PCDHA7: variants seen among roughly 807,000 people sequenced by gnomAD.
PCDHA7 encodes the protein protocadherin alpha 7.
A neutral mutation model predicts 57.2 loss-of-function variants in PCDHA7; 37 were observed. That is an observed-to-expected ratio of 0.65 (90% confidence interval 0.50 to 0.85). PCDHA7 has a LOEUF of 0.85. Among genes scored for constraint, PCDHA7 ranks in the 40% least tolerant of loss-of-function variants. The pLI is 0.00. For synonymous variants in PCDHA7, 553 were observed against 558.8 expected (o/e 0.99, Z 0.15); for missense variants, 1,188 against 1,241.8 (o/e 0.96, Z 0.65).
At chr5:140,877,041 A>C (rs782570873) in intron 1 of PCDHA7, 1 of 1,612,586 alleles carries the variant, frequency 6.2e-7, no homozygotes, top group Non-Finnish European at 8.5e-7. Context: ...TGCAGCCGCT[A>C]GACCACGAGG....
chr5:140,851,579 C>T lies in PCDHA7; in HGVS notation c.2355+14841C>T, dbSNP rs527993952. On this transcript the variant is annotated intron_variant, in intron 1 of 3. Transcript: ENST00000525929. ...ACTGAAATTTTGTCTACACTTAGAA[C>T]ATTTTTTGAAATTCAGTTTACAGAA... 1.1e-5 allele frequency: 10 copies of T among 913,374 alleles called. No homozygotes were observed. In the South Asian group the frequency reaches 4.0e-4, roughly 36 times the overall value. 56.6% of individuals were successfully genotyped at this position (913,374 alleles called of 1,614,324 possible).
At chr5:140,915,732 G>A (rs1454734995) in intron 1 of PCDHA7, among the ~76,000 whole-genome samples, 2 of 151,870 alleles carry the variant, frequency 1.3e-5, no homozygotes, top group East Asian at 3.9e-4. Flanking sequence ...ATTGTGCTGG[G>A]TCAGACCTAT....
intron 1 of PCDHA7, chr5:140,967,313 C>T: frequency 6.2e-7 from 1 of 1,611,052 alleles, no homozygotes; most frequent in Non-Finnish European, 8.5e-7. Flanking sequence ...CAACTCAGTA[C>T]AGACCTACGA....
chr5:140,878,622 T>A (rs1163171601), intron 1 of PCDHA7, among the ~76,000 whole-genome samples: 1 of 152,244 alleles, frequency 6.6e-6, no homozygotes, highest in African/African-American at 2.4e-5. Flanking sequence ...GCATTTTACA[T>A]ATTTTAACTT....
intron 1 of PCDHA7, among the ~76,000 whole-genome samples, chr5:140,946,992 A>T (rs1393633852): frequency 1.3e-5 from 2 of 151,908 alleles, no homozygotes; most frequent in East Asian, 3.9e-4. Context: ...TGAGTGTTCT[A>T]ACTTCAAAGA....
chr5:140,892,448 A>G (rs973072554), intron 1 of PCDHA7, among the ~76,000 whole-genome samples: 13 of 152,292 alleles, frequency 8.5e-5, no homozygotes, highest in African/African-American at 2.9e-4. Context: ...ATTTACATGT[A>G]TTCTTTAAGT....
chr5:141,011,876 A>G lies in PCDHA7; in HGVS notation c.*1939A>G, dbSNP rs2098422094. ...AATTTTGTTATAATGTACAATTTAG[A>G]AGTTTGATTAATTATATTATCTATT... On this transcript the variant is annotated 3_prime_UTR_variant, in exon 4 of 4. Coordinates refer to ENST00000525929, the MANE Select transcript of PCDHA7 (RefSeq NM_018910.3). 6.5e-6 allele frequency: 1 copy of G among 153,584 alleles called. No individual in the cohort carries two copies. The highest frequency in any genetic ancestry group is 2.4e-5 in the African/African-American group (1 of 41,298). 9.5% of individuals were successfully genotyped at this position (153,584 alleles called of 1,614,324 possible).
chr5:140,862,682 T>C (rs536714837), intron 1 of PCDHA7: 55 of 551,686 alleles, frequency 1.0e-4, no homozygotes, highest in South Asian at 7.3e-4. Flanking sequence ...AACGTGCTGG[T>C]GTCCTACTCG....
At chr5:140,893,381 A>G (rs755671273) in intron 1 of PCDHA7, among the ~76,000 whole-genome samples, 11 of 152,190 alleles carry the variant, frequency 7.2e-5, no homozygotes, top group Non-Finnish European at 1.6e-4. Context: ...TTTATGGGAC[A>G]GTGGCTCATG....
At chr5:140,848,653 G>A (rs2150416159) in intron 1 of PCDHA7, 1 of 1,592,724 alleles carries the variant, frequency 6.3e-7, no homozygotes, top group Admixed American at 1.7e-5. Context: ...CAGGACCTGG[G>A]GCTGGAGCTG....
At position 140,836,448 on chromosome 5, in the gene PCDHA7, C is replaced by T; in HGVS notation, c.2065C>T (p.Pro689Ser). 1 of 1,613,824 alleles carries T rather than the reference C, an allele frequency of 6.2e-7. No individual in the cohort carries two copies. The highest frequency in any genetic ancestry group is 8.5e-7 in the Non-Finnish European group (1 of 1,179,852). ...GCGGGCATCGTTGGGCATTGCAGGC[C>T]CAGAGACCGAGCTGGTGGATGTCAA... is the stretch of plus-strand genomic sequence containing the variant. Reference protein sequence around the residue: ...SSRASLGIAGPETELVDVNVY... With the variant: ...SSRASLGIAGSETELVDVNVY... The change falls in exon 1 of 4, where the codon CCA (proline) becomes TCA (serine). Residue 689 changes from proline to serine, a missense_variant. This residue lies in a region of PCDHA7 where 892 missense variants were observed against 788.5 expected (regional missense o/e 1.13). Transcript: ENST00000525929.
At chr5:141,002,559 G>C (rs2098085590) in intron 3 of PCDHA7, among the ~76,000 whole-genome samples, 2 of 152,192 alleles carry the variant, frequency 1.3e-5, no homozygotes. Context: ...GGATCCACCA[G>C]TTAGTGACCA....
intron 1 of PCDHA7, chr5:140,842,103 T>C: frequency 6.2e-7 from 1 of 1,613,846 alleles, no homozygotes; most frequent in Non-Finnish European, 8.5e-7. Flanking sequence ...GGAACAACAG[T>C]TATCAAACTG....
At chr5:140,968,810 G>C in intron 1 of PCDHA7, 1 of 1,614,186 alleles carries the variant, frequency 6.2e-7, no homozygotes, top group Non-Finnish European at 8.5e-7. Flanking sequence ...AGCTGTGGTG[G>C]ATAGGGTTTC....
rs1554140693 is a variant in PCDHA7, at chr5:140,844,620, C to G, written c.2355+7882C>G. On this transcript the variant is annotated intron_variant, in intron 1 of 3. Coordinates refer to ENST00000525929, the MANE Select transcript of PCDHA7 (RefSeq NM_018910.3). Reference sequence around the variant, plus strand: ...ATATGACTTAGAAAAATGTTTTCATCAGAAAAACTATACATGATAATTTCA... The same window carrying G: ...ATATGACTTAGAAAAATGTTTTCATGAGAAAAACTATACATGATAATTTCA... Among the ~76,000 whole-genome samples, 3 of 149,238 alleles carry G rather than the reference C, an allele frequency of 2.0e-5. 1 individual carries two copies. Among genetic ancestry groups the G allele is most frequent in the Non-Finnish European group, 3.0e-5 (2 of 66,778 alleles).
At chr5:140,976,338 G>A (rs1554237535) in intron 1 of PCDHA7, among the ~76,000 whole-genome samples, 1 of 152,018 alleles carries the variant, frequency 6.6e-6, no homozygotes, top group Non-Finnish European at 1.5e-5. Flanking sequence ...ATTGCCTGAG[G>A]TCAGGTGTTC....
chr5:140,908,967 G>C (rs1039870615), intron 1 of PCDHA7, among the ~76,000 whole-genome samples: 4 of 152,076 alleles, frequency 2.6e-5, no homozygotes, highest in Non-Finnish European at 5.9e-5. Context: ...ATCTTGATAG[G>C]CCCCACTCCA....
intron 1 of PCDHA7, chr5:140,876,574 G>A (rs1554168680): frequency 1.9e-6 from 3 of 1,614,158 alleles, no homozygotes; most frequent in Non-Finnish European, 2.5e-6. Flanking sequence ...GGTGGGTACC[G>A]TCATTGCCCT....
chr5:140,871,290 C>A (rs1554165387), intron 1 of PCDHA7: 2 of 1,613,900 alleles, frequency 1.2e-6, no homozygotes, highest in Non-Finnish European at 1.7e-6. Context: ...CCACTGAGGG[C>A]GCGTGCGCGC....
Sources: allele counts gnomAD v4.1 joint callset (sites outside exome capture counted in the v4.1 genomes callset), GRCh38; gene constraint gnomAD v4.1.1; regional missense constraint gnomAD v4.1.1; transcripts MANE v1.5; gene names NCBI Gene and HGNC (gene_info 2026-07-23, HGNC 2026-07-21).